The following DLEC1 variants were observed in gnomAD, a reference collection of about 807,000 sequenced individuals.
The protein encoded by DLEC1 is DLEC1 cilia and flagella associated protein.
Under a neutral mutation model 198.1 loss-of-function variants are expected in DLEC1, and 146 were observed. The ratio of observed to expected loss-of-function variants is 0.74; its 90% confidence interval spans 0.64 to 0.85. The LOEUF (loss-of-function observed/expected upper bound fraction) is 0.85, where lower values mean the gene tolerates loss of function less well. Ranked by LOEUF, DLEC1 falls within the 40% of genes least tolerant of loss-of-function variation. The probability of loss-of-function intolerance (pLI) is 0.00; values close to 1 mark genes in which losing one functional copy is unlikely to be tolerated. For missense variants in DLEC1, 2,233 were observed against 2,220.0 expected (o/e 1.01, Z -0.12); for synonymous variants, 897 against 866.8 (o/e 1.03, Z -0.61).
chr3:38,093,506 G>A (rs1698847786), intron 11 of DLEC1, 99 bp from the exon 12 acceptor site: 1 of 1,428,572 alleles, frequency 7.0e-7, no homozygotes, highest in Non-Finnish European at 9.7e-7. Context: ...CATGGTCAAG[G>A]CCAGCTGCAT....
At chr3:38,061,470 T>C (rs1306336467) in intron 3 of DLEC1, among the ~76,000 whole-genome samples, 1 of 152,116 alleles carries the variant, frequency 6.6e-6, no homozygotes. Flanking sequence ...CATGAGCCAC[T>C]GCGCTTGGCC....
chr3:38,084,452 GGTA>G lies in DLEC1; in HGVS notation c.1261+214_1261+216del, dbSNP rs1559430251. Among the ~76,000 whole-genome samples the G allele has an allele frequency of 2.3e-3, 27 of 11,698 alleles. 5 individuals are homozygous for G. The East Asian group carries it at 0.059, about 26-fold the overall frequency. 7.7% of individuals were successfully genotyped at this position (11,698 alleles called of 152,430 possible). On this transcript the variant is annotated intron_variant, in intron 7 of 36. Transcript: ENST00000308059. ...TAGTAGTAGTGGTGGTGGTGGTGGT[GGTA>G]GTAGTAATAGTAGTGGTGGTGGTGG...
At chr3:38,111,031 C>A (rs1306055791) in intron 23 of DLEC1, among the ~76,000 whole-genome samples, 3 of 152,146 alleles carry the variant, frequency 2.0e-5, no homozygotes, top group Non-Finnish European at 2.9e-5. Flanking sequence ...CCAGAACCAG[C>A]TAGCACTGGT....
intron 6 of DLEC1, among the ~76,000 whole-genome samples, chr3:38,082,357 G>A (rs577487842): frequency 0.019 from 2,786 of 147,598 alleles, 44 homozygotes; most frequent in Non-Finnish European, 0.028. Flanking sequence ...GACGATGGGC[G>A]GCCAGGCAGA....
intron 2 of DLEC1, chr3:38,052,452 CGAA>C (rs1559396279): frequency 5.0e-6 from 1 of 201,054 alleles, no homozygotes; most frequent in African/African-American, 2.3e-5. Flanking sequence ...CAGCCAGAAA[CGAA>C]GAGGGAGCTG....
intron 19 of DLEC1, chr3:38,103,230 A>G (rs1699395962): frequency 2.0e-5 from 3 of 152,182 alleles, no homozygotes; most frequent in African/African-American, 7.2e-5. Context: ...GAGTGAGATC[A>G]TGTGATATTT....
chr3:38,109,424 T>G lies in DLEC1; in HGVS notation c.3130-8T>G, dbSNP rs565399558. 1 of 1,614,066 alleles carries G rather than the reference T, an allele frequency of 6.2e-7. No homozygotes were observed. On this transcript the variant is annotated splice_polypyrimidine_tract_variant and splice_region_variant and intron_variant, in intron 21 of 36. Transcript: ENST00000308059. ...CCTGGTCTGACCCCTGGATGGGCTTTCTTATAGGAAGAGCTGACCCATCTG... is the reference window on the plus strand; with the variant it reads ...CCTGGTCTGACCCCTGGATGGGCTTGCTTATAGGAAGAGCTGACCCATCTG...
rs747000589 is a variant in DLEC1 at position 38,111,709 on chromosome 3, T to C, written c.3476T>C (p.Val1159Ala). 3 of 1,613,358 alleles carry C rather than the reference T, an allele frequency of 1.9e-6. No individual in the cohort carries two copies. Among genetic ancestry groups the C allele is most frequent in the Non-Finnish European group, 2.5e-6 (3 of 1,179,792 alleles). Residue 1159 changes from valine to alanine, a missense_variant, in exon 24 of 37, where the codon GTG (valine) becomes GCG (alanine). Coordinates refer to ENST00000308059, the MANE Select transcript of DLEC1 (RefSeq NM_007335.4). ...PNMPPALLKTVRMQEHLAKRE... is the reference protein window; with the variant it reads ...PNMPPALLKTARMQEHLAKRE... ...ATGCCTCCTGCCCTGCTAAAGACAGTGCGGATGCAAGAGCACCTGGCCAAG... is the reference window on the plus strand; with the variant it reads ...ATGCCTCCTGCCCTGCTAAAGACAGCGCGGATGCAAGAGCACCTGGCCAAG...
intron 7 of DLEC1, among the ~76,000 whole-genome samples, chr3:38,084,621 T>TGGTGGTGGTAGTG (rs1553617798): frequency 6.3e-5 from 8 of 126,492 alleles, no homozygotes; most frequent in East Asian, 2.2e-4. Context: ...GTAGCAGTAC[T>TGGTGGTGGTAGTG]GCTACTACTT....
At chr3:38,116,381 G>A in intron 27 of DLEC1, 72 bp from the exon 28 acceptor site, 2 of 1,484,150 alleles carry the variant, frequency 1.3e-6, no homozygotes, top group East Asian at 4.7e-5. Flanking sequence ...CTGGGGGTAT[G>A]AGGAGGAGGG....
intron 6 of DLEC1, among the ~76,000 whole-genome samples, chr3:38,064,776 C>T (rs1254333304): frequency 2.7e-5 from 4 of 148,162 alleles, no homozygotes; most frequent in Middle Eastern, 3.5e-3. Flanking sequence ...ACATCCCAGA[C>T]GATGGGCGGC....
At chr3:38,053,060 G>A (rs987102289) in intron 2 of DLEC1, among the ~76,000 whole-genome samples, 13 of 152,330 alleles carry the variant, frequency 8.5e-5, no homozygotes, top group African/African-American at 1.9e-4. Flanking sequence ...TCGAGGTGCC[G>A]GGATTGTAGA....
At position 38,062,610 on chromosome 3, in the gene DLEC1, G is replaced by A; in HGVS notation, c.903G>A (p.Trp301Ter). 3 of 1,614,130 alleles carry A rather than the reference G, an allele frequency of 1.9e-6. No homozygotes were observed. The highest frequency in any genetic ancestry group is 2.5e-6 in the Non-Finnish European group (3 of 1,180,036). ...CAAGTCAACCAAGGAATAAAAACTG[G>A]ATGAACCACTTACGTGTGCCACAGA... The part of the protein sequence containing the change: ...KKASQPRNKN[W>*]MNHLRVPQRE... The change falls in exon 5 of 37, where the codon TGG becomes TGA. Residue 301 changes from tryptophan (W) to a stop codon, truncating the protein, a stop_gained. Coordinates refer to ENST00000308059, the MANE Select transcript of DLEC1 (RefSeq NM_007335.4). LOFTEE classifies it high-confidence loss of function.
At chr3:38,064,419 A>G (rs1696883087) in intron 6 of DLEC1, among the ~76,000 whole-genome samples, 1 of 152,238 alleles carries the variant, frequency 6.6e-6, no homozygotes, top group Non-Finnish European at 1.5e-5. Context: ...CTTTCTATAC[A>G]GACACAGTAA....
At chr3:38,092,213 C>T (rs1231402760) in intron 10 of DLEC1, among the ~76,000 whole-genome samples, 1 of 152,170 alleles carries the variant, frequency 6.6e-6, no homozygotes, top group African/African-American at 2.4e-5. Flanking sequence ...GGAATAACAG[C>T]CCTGCAAAAG....
intron 1 of DLEC1, among the ~76,000 whole-genome samples, chr3:38,043,889 A>C (rs9311178): frequency 0.32 from 48,457 of 151,932 alleles, 8,013 homozygotes; most frequent in East Asian, 0.55. Flanking sequence ...AAGAATGACT[A>C]AATAAATCTT....
chr3:38,063,907 T>A lies in DLEC1; in HGVS notation c.1161T>A (p.Gly387=). The A allele has an allele frequency of 1.9e-6, 3 of 1,612,610 alleles. No individual in the cohort carries two copies. Among genetic ancestry groups the A allele is most frequent in the Non-Finnish European group, 2.5e-6 (3 of 1,178,934 alleles). The change falls in exon 6 of 37, where the codon GGT becomes GGA. Residue 387 remains glycine, a synonymous_variant. Transcript: ENST00000308059. ...PIGFFTDYEI[G]PVYEMVIALQ... ...GGTTTTTCACAGATTATGAAATTGG[T>A]CCAGTTTATGAGGTAGACATCTTGT...
chr3:38,082,736 G>A (rs1698118461), intron 6 of DLEC1, among the ~76,000 whole-genome samples: 1 of 151,574 alleles, frequency 6.6e-6, no homozygotes, highest in Non-Finnish European at 1.5e-5. Flanking sequence ...CAGAAAAGCA[G>A]AGAAGGGGTA....
intron 10 of DLEC1, among the ~76,000 whole-genome samples, chr3:38,090,622 G>C (rs985852518): frequency 6.6e-6 from 1 of 152,268 alleles, no homozygotes; most frequent in Admixed American, 6.5e-5. Flanking sequence ...CTACCCACAG[G>C]ATACAGTCCT....
Sources: gnomAD v4.1 joint callset for allele counts (sites outside exome capture counted in the v4.1 genomes callset) on GRCh38, gnomAD v4.1.1 for gene constraint, MANE v1.5 for transcripts, NCBI Gene and HGNC (gene_info 2026-07-23, HGNC 2026-07-21) for gene names.